Variants in WWC1 observed in about 807,000 individuals in gnomAD.
WWC1 encodes WW and C2 domain containing 1.
Under a neutral mutation model 138.4 loss-of-function variants are expected in WWC1, and 55 were observed. The ratio of observed to expected loss-of-function variants is 0.40; its 90% CI spans 0.32 to 0.50. The LOEUF (loss-of-function observed/expected upper bound fraction) is 0.50. WWC1 is among the 20% of genes least tolerant of loss of function. WWC1 has a pLI of 0.72. For synonymous variants in WWC1, 524 were observed against 564.9 expected, an observed-to-expected ratio of 0.93 and a Z score of 1.03; for missense variants, 1,226 against 1,420.4, an observed-to-expected ratio of 0.86 and a Z score of 2.20.
At chr5:168,341,571 A>G (rs1774038551) in intron 1 of WWC1, among the ~76,000 whole-genome samples, 1 of 152,134 alleles carries the variant, frequency 6.6e-6, no homozygotes, top group South Asian at 2.1e-4. Context: ...TTTCAACATC[A>G]AAAGGCTGCT....
At chr5:168,435,072 C>T (rs1782250619) in intron 15 of WWC1, among the ~76,000 whole-genome samples, 1 of 152,192 alleles carries the variant, frequency 6.6e-6, no homozygotes, top group African/African-American at 2.4e-5. Flanking sequence ...CCCATGAGCC[C>T]TCAATGCTGC....
chr5:168,453,910 A>T, intron 17 of WWC1, 58 bp from the exon 18 acceptor site: 1 of 1,604,984 alleles, frequency 6.2e-7, no homozygotes, highest in Non-Finnish European at 8.5e-7. Context: ...TATTAAAGGC[A>T]GGTGAACAGA....
At chr5:168,348,780 G>T (rs1468962449) in intron 1 of WWC1, among the ~76,000 whole-genome samples, 1 of 152,174 alleles carries the variant, frequency 6.6e-6, no homozygotes, top group Non-Finnish European at 1.5e-5. Flanking sequence ...TTTGATTGGG[G>T]TGGGGCCAGG....
intron 16 of WWC1, among the ~76,000 whole-genome samples, chr5:168,442,978 C>T (rs1265342727): frequency 1.3e-5 from 2 of 152,192 alleles, no homozygotes; most frequent in African/African-American, 2.4e-5. Flanking sequence ...GGAAAGCCCA[C>T]ACCTACTGGC....
At position 168,375,259 on chromosome 5, in the gene WWC1, G is replaced by C. The variant is rs142492095; in HGVS notation, c.229+3726G>C. 9.9e-5 allele frequency among the ~76,000 whole-genome samples: 15 copies of C among 152,242 alleles called. No individual in the cohort carries two copies. In the East Asian group the frequency reaches 2.9e-3, roughly 30 times the overall value. ...GTCTCCAGACAACAGAGGGTGGCAA[G>C]AAGAGGAAAAGCAGCAATGATTCTG... On this transcript the variant is annotated intron_variant, in intron 2 of 22. Transcript: ENST00000265293.
At chr5:168,422,606 C>A (rs960321293) in intron 10 of WWC1, among the ~76,000 whole-genome samples, 1 of 151,702 alleles carries the variant, frequency 6.6e-6, no homozygotes. Context: ...TAGAGCCAGA[C>A]CTTGTCTCCA....
At chr5:168,465,718 C>T (rs32214) in intron 21 of WWC1, among the ~76,000 whole-genome samples, 22,126 of 151,332 alleles carry the variant, frequency 0.15, 1,713 homozygotes, top group East Asian at 0.22. Context: ...CCAATATGCC[C>T]GGCTAATTTT....
chr5:168,398,311 GC>G (rs34788924), intron 4 of WWC1, among the ~76,000 whole-genome samples: 28,646 of 151,972 alleles, frequency 0.19, 3,053 homozygotes, highest in South Asian at 0.42. Flanking sequence ...CACTGTGTTA[GC>G]CAGGATGGTC....
At chr5:168,317,773 T>G (rs1377291248) in intron 1 of WWC1, among the ~76,000 whole-genome samples, 2 of 152,200 alleles carry the variant, frequency 1.3e-5, no homozygotes, top group African/African-American at 4.8e-5. Context: ...AGTTTAGATC[T>G]AATTGCCTAA....
intron 5 of WWC1, among the ~76,000 whole-genome samples, chr5:168,403,000 GTTTCTTTTTC>G (rs1287761847): frequency 2.2e-5 from 3 of 137,846 alleles, no homozygotes; most frequent in African/African-American, 8.1e-5. Flanking sequence ...AAGCTCTGTT[GTTTCTTTTTC>G]TTTCTTTCTT....
chr5:168,365,378 G>A (rs185291739), intron 1 of WWC1, among the ~76,000 whole-genome samples: 29 of 152,226 alleles, frequency 1.9e-4, no homozygotes, highest in African/African-American at 6.5e-4. Context: ...CCTGCTGGAC[G>A]GTAATAAAGA....
In WWC1 at chr5:168,398,945, C is replaced by T. The variant is rs148079048; in HGVS notation, c.511-543C>T. ...TCTGAAGATTTGATTATTAGCAACTCATTTTAAAAGTTGAATAATACAGTG... is the reference window on the plus strand; with the variant it reads ...TCTGAAGATTTGATTATTAGCAACTTATTTTAAAAGTTGAATAATACAGTG... On this transcript the variant is annotated intron_variant, in intron 4 of 22. Transcript: ENST00000265293. Among the ~76,000 whole-genome samples, 17 of 152,330 alleles carry T rather than the reference C, an allele frequency of 1.1e-4. No homozygotes were observed. The East Asian group carries it at 2.9e-3, about 26-fold the overall frequency.
Position 168,447,561 on chromosome 5 carries a change from T to G in WWC1, c.2525+2976T>G, listed in dbSNP as rs537575418. On this transcript the variant is annotated intron_variant, in intron 17 of 22. Transcript: ENST00000265293. ...CTTTTGATTTTTTTTTCAGCCATTT[T>G]AAAATATAAAAACCATTCATGGCTT... 6.6e-5 allele frequency among the ~76,000 whole-genome samples: 10 copies of G among 152,324 alleles called. No homozygotes were observed. In the East Asian group the frequency reaches 1.5e-3, roughly 23 times the overall value.
intron 1 of WWC1, among the ~76,000 whole-genome samples, chr5:168,319,081 T>A (rs1469778195): frequency 6.6e-6 from 1 of 152,240 alleles, no homozygotes; most frequent in Non-Finnish European, 1.5e-5. Flanking sequence ...GGGTTGCTTC[T>A]GCATTTTGGC....
intron 1 of WWC1, among the ~76,000 whole-genome samples, chr5:168,362,037 C>T (rs974728766): frequency 2.0e-5 from 3 of 152,112 alleles, no homozygotes; most frequent in Non-Finnish European, 4.4e-5. Flanking sequence ...GAGCCTAGAC[C>T]GTGCCAATGC....
intron 1 of WWC1, among the ~76,000 whole-genome samples, chr5:168,333,645 G>C (rs1329583346): frequency 6.6e-6 from 1 of 152,164 alleles, no homozygotes; most frequent in Non-Finnish European, 1.5e-5. Context: ...CTGCGGAACT[G>C]TCCTGAAGGA....
intron 1 of WWC1, among the ~76,000 whole-genome samples, chr5:168,310,269 C>A (rs1051744586): frequency 1.3e-5 from 2 of 151,978 alleles, no homozygotes; most frequent in Admixed American, 6.6e-5. Flanking sequence ...AAAAATAGTA[C>A]AAGAAATTTC....
At chr5:168,395,696 C>T (rs780946636) in intron 3 of WWC1, among the ~76,000 whole-genome samples, 5 of 152,168 alleles carry the variant, frequency 3.3e-5, no homozygotes, top group Non-Finnish European at 7.4e-5. Context: ...CTGTTCCATG[C>T]TTGAGACAAA....
rs1008778533 is a variant in WWC1 at position 168,454,236 on chromosome 5, C to A, written c.2658+136C>A. 7.5e-6 allele frequency: 10 copies of A among 1,335,710 alleles called. No individual in the cohort carries two copies. In the African/African-American group the frequency reaches 1.0e-4, roughly 14 times the overall value. The allele number at this position is 1,335,710 out of a possible 1,614,324, so 82.7% of individuals were successfully genotyped here. A position where few individuals can be genotyped will look rare whatever the true frequency, so the allele number is the denominator to read the frequency against. On this transcript the variant is annotated intron_variant, in intron 18 of 22. Transcript: ENST00000265293. Reference sequence around the variant, plus strand: ...GCACAAGCCCTCATAATGGAGTGGCCTTTGGGTCATTCTGGTGATAGTAAA... The same window carrying A: ...GCACAAGCCCTCATAATGGAGTGGCATTTGGGTCATTCTGGTGATAGTAAA...
Sources: gnomAD v4.1 joint callset for allele counts (sites outside exome capture counted in the v4.1 genomes callset) on GRCh38, gnomAD v4.1.1 for gene constraint, MANE v1.5 for transcripts, NCBI Gene and HGNC (gene_info 2026-07-23, HGNC 2026-07-21) for gene names.